Variants in MTFR1 observed in about 807,000 individuals in gnomAD.
The protein encoded by MTFR1 is chondrocyte protein with a poly-proline region.
In MTFR1, 28 loss-of-function variants were observed where a neutral mutation model predicts 38.8. The observed-to-expected ratio is 0.72, with a 90% CI of 0.53 to 0.99. MTFR1 has a LOEUF of 0.99. MTFR1 is among the 50% of genes least tolerant of loss of function. MTFR1 has a pLI of 0.00. For synonymous variants in MTFR1, 145 were observed against 137.0 expected (o/e 1.06, Z -0.41); for missense variants, 358 against 395.5 (o/e 0.91, Z 0.81).
chr8:65,731,825 T>C (rs1351264563), intron 3 of MTFR1, among the ~76,000 whole-genome samples: 1 of 152,176 alleles, frequency 6.6e-6, no homozygotes, highest in Non-Finnish European at 1.5e-5. Flanking sequence ...ACAAAATATA[T>C]ATACTTAAGT....
chr8:65,703,131 A>G (rs1805664006), intron 4 of MTFR1, among the ~76,000 whole-genome samples: 1 of 151,818 alleles, frequency 6.6e-6, no homozygotes, highest in African/African-American at 2.4e-5. Flanking sequence ...AGGCCTGCAT[A>G]ATATATAATC....
chr8:65,719,287 G>A, intron 2 of MTFR1: 4 of 1,607,948 alleles, frequency 2.5e-6, no homozygotes, highest in Non-Finnish European at 2.6e-6. Flanking sequence ...CTGGTTCTGG[G>A]GGTTATGATA....
chr8:65,710,435 TCA>T lies in MTFR1; in HGVS notation c.*1393_*1394del. On this transcript the variant is annotated 3_prime_UTR_variant, in exon 8 of 8. Transcript: ENST00000262146. Reference sequence around the variant, plus strand: ...TTCTCTTTAACAAAATTCAGAAAATTCACCTGAAACGTATTTTGACCTAAAAG... The same window carrying T: ...TTCTCTTTAACAAAATTCAGAAAATTCCTGAAACGTATTTTGACCTAAAAG... 6.5e-6 allele frequency: 1 copy of T among 152,730 alleles called. No homozygotes were observed. Among genetic ancestry groups the T allele is most frequent in the South Asian group, 2.1e-4 (1 of 4,828 alleles). 9.5% of individuals were successfully genotyped at this position (152,730 alleles called of 1,614,324 possible). A position where few individuals can be genotyped will look rare whatever the true frequency, so the allele number is the denominator to read the frequency against.
At position 65,709,017 on chromosome 8, in the gene MTFR1, T is replaced by A; in HGVS notation, c.975T>A (p.Ala325=). The change falls in exon 8 of 8, where the codon GCT becomes GCA. Residue 325 remains alanine, a synonymous_variant. Transcript: ENST00000262146. ...TGAAGCCAACAGGAAAAATGAAGGC[T>A]TTAATTGAAAATGTATCAGACTCCT... is the stretch of plus-strand genomic sequence containing the variant. ...HMLKPTGKMK[A]LIENVSDS 6.2e-7 allele frequency: 1 copy of A among 1,614,036 alleles called. No individual in the cohort carries two copies.
chr8:65,701,288 G>T (rs945532592), intron 4 of MTFR1, among the ~76,000 whole-genome samples: 1 of 152,108 alleles, frequency 6.6e-6, no homozygotes, highest in African/African-American at 2.4e-5. Flanking sequence ...GATACTTTTT[G>T]GTTTATAAGT....
chr8:65,763,565 CA>C (rs10706103), intron 3 of MTFR1, among the ~76,000 whole-genome samples: 59,892 of 147,150 alleles, frequency 0.41, 15,843 homozygotes, highest in African/African-American at 0.77. Flanking sequence ...AACTCCGTCT[CA>C]AAAAAAAAAA....
chr8:65,742,368 C>A (rs1807480051), intron 3 of MTFR1, among the ~76,000 whole-genome samples: 1 of 152,144 alleles, frequency 6.6e-6, no homozygotes, highest in South Asian at 2.1e-4. Flanking sequence ...TATGTCGCAT[C>A]ACTTAACTCC....
At chr8:65,727,311 G>T in intron 3 of MTFR1, 3 of 1,611,852 alleles carry the variant, frequency 1.9e-6, no homozygotes, top group Non-Finnish European at 2.5e-6. Flanking sequence ...GCTGAAGTGT[G>T]ACAAAAGAAT....
intron 3 of MTFR1, among the ~76,000 whole-genome samples, chr8:65,731,886 T>C (rs1251848033): frequency 6.6e-6 from 1 of 152,206 alleles, no homozygotes; most frequent in Non-Finnish European, 1.5e-5. Flanking sequence ...GACTCCTTAG[T>C]TATGTACTGT....
In MTFR1 at chr8:65,709,010, T is replaced by C; in HGVS notation, c.968T>C (p.Met323Thr). ...CACATGTTGAAGCCAACAGGAAAAA[T>C]GAAGGCTTTAATTGAAAATGTATCA... ...GPHMLKPTGK[M>T]KALIENVSDS The change falls in exon 8 of 8, where the codon ATG becomes ACG. Residue 323 changes from methionine (M) to threonine (T), a missense_variant. Physicochemically the swap from Met to Thr is moderately conservative, Grantham distance 81. Coordinates refer to ENST00000262146, the MANE Select transcript of MTFR1 (RefSeq NM_014637.4). 6.2e-7 allele frequency: 1 copy of C among 1,613,992 alleles called. No individual in the cohort carries two copies. The highest frequency in any genetic ancestry group is 8.5e-7 in the Non-Finnish European group (1 of 1,179,894).
At chr8:65,734,737 G>C in intron 3 of MTFR1, 1 of 974,716 alleles carries the variant, frequency 1.0e-6, no homozygotes, top group South Asian at 1.3e-5. Context: ...GTATGTGAAA[G>C]TAAATCAAAA....
intron 3 of MTFR1, chr8:65,745,345 C>T: frequency 1.1e-6 from 1 of 935,106 alleles, no homozygotes; most frequent in Admixed American, 1.7e-5. Flanking sequence ...GCACCAGCGG[C>T]TGCACCATCA....
At chr8:65,672,683 T>A (rs997622216) in intron 2 of MTFR1, among the ~76,000 whole-genome samples, 4 of 152,140 alleles carry the variant, frequency 2.6e-5, no homozygotes, top group African/African-American at 9.7e-5. Flanking sequence ...GCTAATTTTT[T>A]AATATTTTTA....
Position 65,709,093 on chromosome 8 carries a change from G to A in MTFR1, c.*49G>A. ...TCCTGGTTCCCCTGTTGATTTGTGA[G>A]GGCCAAGTTTGCTAGTAGAAATCGA... On this transcript the variant is annotated 3_prime_UTR_variant, in exon 8 of 8. Coordinates refer to ENST00000262146, the MANE Select transcript of MTFR1 (RefSeq NM_014637.4). 2 of 1,558,280 alleles carry A rather than the reference G, an allele frequency of 1.3e-6. No individual in the cohort carries two copies. Among genetic ancestry groups the A allele is most frequent in the Non-Finnish European group, 8.9e-7 (1 of 1,129,688 alleles).
At chr8:65,763,457 T>A (rs1299794532) in intron 3 of MTFR1, among the ~76,000 whole-genome samples, 1 of 151,750 alleles carries the variant, frequency 6.6e-6, no homozygotes, top group Non-Finnish European at 1.5e-5. Flanking sequence ...CCCAGCTACT[T>A]AGGAGGCTGA....
intron 3 of MTFR1, among the ~76,000 whole-genome samples, chr8:65,743,358 C>T (rs749203858): frequency 6.6e-6 from 1 of 151,968 alleles, no homozygotes; most frequent in African/African-American, 2.4e-5. Flanking sequence ...CCTGTGTGTA[C>T]GGGCCAAGGT....
intron 3 of MTFR1, among the ~76,000 whole-genome samples, chr8:65,734,549 C>G (rs1239520247): frequency 6.6e-6 from 1 of 152,148 alleles, no homozygotes; most frequent in Non-Finnish European, 1.5e-5. Context: ...TGCCAGCAGT[C>G]GAGGTTTCAA....
intron 3 of MTFR1, among the ~76,000 whole-genome samples, chr8:65,683,132 C>CTTTTTT (rs748824241): frequency 2.5e-5 from 3 of 121,658 alleles, no homozygotes; most frequent in African/African-American, 6.4e-5. Context: ...TTCTTTCTTT[C>CTTTTTT]TTTTTTTTTT....
chr8:65,773,515 A>T (rs983436929), downstream of MTFR1, among the ~76,000 whole-genome samples: 3 of 152,232 alleles, frequency 2.0e-5, no homozygotes, highest in Non-Finnish European at 4.4e-5. Context: ...GGATCAGGAT[A>T]TAAGTATAGA....
Sources: allele counts gnomAD v4.1 joint callset (sites outside exome capture counted in the v4.1 genomes callset), GRCh38; gene constraint gnomAD v4.1.1; transcripts MANE v1.5; gene names NCBI Gene and HGNC (gene_info 2026-07-23, HGNC 2026-07-21).